The following KCNH8 variants were observed in gnomAD, a reference collection of about 807,000 sequenced individuals.
KCNH8 encodes voltage-gated delayed rectifier potassium channel KCNH8.
In KCNH8, 70 loss-of-function variants were observed where a neutral mutation model predicts 103.6. The ratio of observed to expected loss-of-function variants is 0.68; its 90% CI spans 0.56 to 0.82. The LOEUF is 0.82. Ranked by LOEUF, KCNH8 falls within the 40% of genes least tolerant of loss-of-function variation. KCNH8 has a pLI of 0.00. For synonymous variants in KCNH8, 498 were observed against 489.4 expected, an observed-to-expected ratio of 1.02 and a Z score of -0.23; for missense variants, 1,217 against 1,329.9, an observed-to-expected ratio of 0.92 and a Z score of 1.32.
At chr3:19,318,964 T>G (rs756957292) in intron 3 of KCNH8, among the ~76,000 whole-genome samples, 17 of 151,798 alleles carry the variant, frequency 1.1e-4, no homozygotes, top group Non-Finnish European at 1.9e-4. Context: ...TTTGAGACTT[T>G]TCTATTCATG....
intron 3 of KCNH8, among the ~76,000 whole-genome samples, chr3:19,310,137 A>G (rs1265425761): frequency 3.3e-5 from 5 of 151,966 alleles, no homozygotes; most frequent in Non-Finnish European, 5.9e-5. Flanking sequence ...AGGGGAGAAG[A>G]AAACAAAACA....
At chr3:19,240,346 C>T (rs1337681784) in intron 1 of KCNH8, among the ~76,000 whole-genome samples, 1 of 152,174 alleles carries the variant, frequency 6.6e-6, no homozygotes, top group Non-Finnish European at 1.5e-5. Flanking sequence ...GGCGCAGTGG[C>T]TCATGCCTGT....
At chr3:19,244,080 T>C (rs2064174918) in intron 1 of KCNH8, among the ~76,000 whole-genome samples, 1 of 152,162 alleles carries the variant, frequency 6.6e-6, no homozygotes, top group South Asian at 2.1e-4. Context: ...TTTTAAAAGG[T>C]ATAAAATTAA....
intron 1 of KCNH8, among the ~76,000 whole-genome samples, chr3:19,208,814 AT>A (rs1483232700): frequency 1.3e-5 from 2 of 151,942 alleles, no homozygotes; most frequent in East Asian, 3.9e-4. Flanking sequence ...CCAAAGAGAA[AT>A]TTTTCCTCTT....
chr3:19,205,505 G>C, intron 1 of KCNH8, among the ~76,000 whole-genome samples: 1 of 152,032 alleles, frequency 6.6e-6, no homozygotes. Context: ...CTGGGGTTCA[G>C]AGAAAACTGA....
At chr3:19,484,373 T>C (rs2068158856) in intron 11 of KCNH8, among the ~76,000 whole-genome samples, 1 of 152,226 alleles carries the variant, frequency 6.6e-6, no homozygotes, top group Non-Finnish European at 1.5e-5. Flanking sequence ...ATGTATACAC[T>C]AAGAGTAGTC....
chr3:19,374,057 G>C (rs984525118), intron 5 of KCNH8, among the ~76,000 whole-genome samples: 5 of 152,012 alleles, frequency 3.3e-5, no homozygotes, highest in Non-Finnish European at 7.4e-5. Context: ...AATAGGTGTG[G>C]TGTGGTGCTC....
intron 5 of KCNH8, among the ~76,000 whole-genome samples, chr3:19,380,115 C>T (rs2066268737): frequency 6.6e-6 from 1 of 152,152 alleles, no homozygotes; most frequent in East Asian, 1.9e-4. Context: ...TATTTTGCTG[C>T]CTCTGGAATA....
At chr3:19,504,936 T>G (rs2068661282) in intron 11 of KCNH8, among the ~76,000 whole-genome samples, 1 of 151,094 alleles carries the variant, frequency 6.6e-6, no homozygotes, top group Non-Finnish European at 1.5e-5. Context: ...ACAAGCCCAC[T>G]GATAATAGAC....
At chr3:19,523,216 T>C (rs190189096) in intron 15 of KCNH8, among the ~76,000 whole-genome samples, 9 of 152,034 alleles carry the variant, frequency 5.9e-5, no homozygotes, top group African/African-American at 2.2e-4. Flanking sequence ...CATTTCATAA[T>C]TGGATAATAG....
chr3:19,342,435 T>G (rs2065672978), intron 3 of KCNH8, 152 bp from the exon 4 acceptor site: 1 of 598,456 alleles, frequency 1.7e-6, no homozygotes, highest in African/African-American at 1.9e-5. Flanking sequence ...CATAAAGGAC[T>G]AAAATTAAAT....
chr3:19,148,786 G>A lies in KCNH8; in HGVS notation c.67G>A (p.Asp23Asn). 6.2e-7 allele frequency: 1 copy of A among 1,613,956 alleles called. No homozygotes were observed. The highest frequency in any genetic ancestry group is 8.5e-7 in the Non-Finnish European group (1 of 1,179,828). Residue 23 changes from aspartate to asparagine, a missense_variant, in exon 1 of 16, where the codon GAC becomes AAC. By Grantham distance (23) the Asp-to-Asn change is conservative. Transcript: ENST00000328405. The part of the protein sequence containing the change: ...TFLDTIATRF[D>N]GTHSNFILAN... ...CCTGGACACCATCGCCACCCGTTTT[G>A]ACGGAACACGTAAGTCTTACACTTG...
At chr3:19,385,235 G>T (rs2066340241) in intron 5 of KCNH8, among the ~76,000 whole-genome samples, 1 of 152,052 alleles carries the variant, frequency 6.6e-6, no homozygotes, top group Non-Finnish European at 1.5e-5. Context: ...GTAAGAAAAT[G>T]ATGAACACTC....
At chr3:19,355,149 A>C (rs13072263) in intron 5 of KCNH8, among the ~76,000 whole-genome samples, 63,358 of 151,962 alleles carry the variant, frequency 0.42, 14,411 homozygotes, top group African/African-American at 0.6. Context: ...TCATCACTGG[A>C]CATCAGAGAA....
At chr3:19,383,386 T>G (rs1476402823) in intron 5 of KCNH8, among the ~76,000 whole-genome samples, 1 of 152,138 alleles carries the variant, frequency 6.6e-6, no homozygotes, top group African/African-American at 2.4e-5. Context: ...GTTAATTTTT[T>G]TTTTTTTGAG....
chr3:19,267,546 GA>G (rs1010957082), intron 2 of KCNH8, among the ~76,000 whole-genome samples: 1 of 151,942 alleles, frequency 6.6e-6, no homozygotes, highest in Non-Finnish European at 1.5e-5. Context: ...GGTTAGAATG[GA>G]AAAAAATGTG....
chr3:19,340,239 G>A (rs2065639871), intron 3 of KCNH8, among the ~76,000 whole-genome samples: 2 of 151,918 alleles, frequency 1.3e-5, no homozygotes, highest in East Asian at 3.9e-4. Flanking sequence ...AGATATCAAA[G>A]AGCTTTTATA....
At chr3:19,458,801 T>C (rs2067574785) in intron 11 of KCNH8, among the ~76,000 whole-genome samples, 1 of 151,978 alleles carries the variant, frequency 6.6e-6, no homozygotes, top group Non-Finnish European at 1.5e-5. Context: ...CTCTGCTTCT[T>C]TGAGTTCAAG....
intron 7 of KCNH8, among the ~76,000 whole-genome samples, chr3:19,435,802 C>T (rs1034665579): frequency 6.6e-6 from 1 of 152,134 alleles, no homozygotes; most frequent in African/African-American, 2.4e-5. Context: ...ATAACTTGCT[C>T]GCATTCCTTA....
Sources: gnomAD v4.1 joint callset for allele counts (sites outside exome capture counted in the v4.1 genomes callset) on GRCh38, gnomAD v4.1.1 for gene constraint, MANE v1.5 for transcripts, NCBI Gene and HGNC (gene_info 2026-07-23, HGNC 2026-07-21) for gene names.